CADM2: variants seen among roughly 807,000 people sequenced by gnomAD.
CADM2 encodes the protein immunoglobulin superfamily member 4D.
Under a neutral mutation model 49.8 loss-of-function variants are expected in CADM2, and 12 were observed. That is an observed-to-expected ratio of 0.24 (90% CI 0.15 to 0.39). CADM2 has a LOEUF of 0.39. Among genes scored for constraint, CADM2 ranks in the 10% least tolerant of loss-of-function variants. CADM2 has a pLI of 1.00. For missense variants in CADM2, 378 were observed against 492.3 expected (o/e 0.77, Z 2.20); for synonymous variants, 214 against 175.4 (o/e 1.22, Z -1.74).
intron 1 of CADM2, among the ~76,000 whole-genome samples, chr3:85,327,820 C>A (rs2107136202): frequency 6.6e-6 from 1 of 152,076 alleles, no homozygotes; most frequent in African/African-American, 2.4e-5. Flanking sequence ...AATTAAAATT[C>A]TATTCTGAAT....
chr3:86,046,115 TATTAA>T (rs1297457563), intron 8 of CADM2, among the ~76,000 whole-genome samples: 3 of 152,170 alleles, frequency 2.0e-5, no homozygotes, highest in Non-Finnish European at 2.9e-5. Context: ...ATTTAAGGAC[TATTAA>T]ATTAAAGTTA....
chr3:85,139,228 G>A (rs1407639709), intron 1 of CADM2, among the ~76,000 whole-genome samples: 3 of 151,968 alleles, frequency 2.0e-5, no homozygotes, highest in African/African-American at 4.8e-5. Context: ...GTGTATATGC[G>A]TTTCAATAAT....
chr3:85,602,663 AC>A (rs1372768590), intron 1 of CADM2, among the ~76,000 whole-genome samples: 1 of 151,780 alleles, frequency 6.6e-6, no homozygotes, highest in Non-Finnish European at 1.5e-5. Context: ...ATTCTTATAC[AC>A]CCACTTAATC....
intron 1 of CADM2, among the ~76,000 whole-genome samples, chr3:85,227,370 A>C (rs1025804536): frequency 6.7e-6 from 1 of 149,444 alleles, no homozygotes; most frequent in Non-Finnish European, 1.5e-5. Context: ...TTCCTTTACC[A>C]TTATGTAATG....
chr3:85,947,511 A>C (rs1364478914), intron 7 of CADM2, among the ~76,000 whole-genome samples: 1 of 151,610 alleles, frequency 6.6e-6, no homozygotes, highest in East Asian at 1.9e-4. Flanking sequence ...ATGTCTTCAA[A>C]GATATAATAT....
At chr3:85,156,928 A>G (rs977474532) in intron 1 of CADM2, among the ~76,000 whole-genome samples, 3 of 152,184 alleles carry the variant, frequency 2.0e-5, no homozygotes, top group African/African-American at 7.2e-5. Flanking sequence ...ATGATTGTAT[A>G]TCTAGAAAAC....
At chr3:85,508,503 A>G (rs1443920974) in intron 1 of CADM2, among the ~76,000 whole-genome samples, 1 of 152,180 alleles carries the variant, frequency 6.6e-6, no homozygotes, top group African/African-American at 2.4e-5. Context: ...TGGATGTTGG[A>G]CCTGAGAGGG....
chr3:85,520,395 A>G (rs190172916), intron 1 of CADM2, among the ~76,000 whole-genome samples: 214 of 152,104 alleles, frequency 1.4e-3, no homozygotes, highest in African/African-American at 4.7e-3. Context: ...TTCTGCATAT[A>G]TATCTAAATA....
intron 1 of CADM2, among the ~76,000 whole-genome samples, chr3:85,059,881 T>C (rs1038564860): frequency 2.0e-5 from 3 of 152,196 alleles, no homozygotes; most frequent in African/African-American, 7.2e-5. Flanking sequence ...CTAATACACA[T>C]GTATTTCAGC....
intron 1 of CADM2, among the ~76,000 whole-genome samples, chr3:85,087,989 T>G (rs2037448150): frequency 6.6e-6 from 1 of 152,188 alleles, no homozygotes; most frequent in African/African-American, 2.4e-5. Flanking sequence ...ACATCTTCTC[T>G]GCACACCATG....
intron 1 of CADM2, among the ~76,000 whole-genome samples, chr3:85,286,473 C>A (rs2043636049): frequency 6.6e-6 from 1 of 152,072 alleles, no homozygotes; most frequent in African/African-American, 2.4e-5. Flanking sequence ...TCAAATTTGG[C>A]AAGTGACATT....
chr3:86,022,562 C>T (rs1490185219), intron 8 of CADM2, among the ~76,000 whole-genome samples: 1 of 152,084 alleles, frequency 6.6e-6, no homozygotes, highest in African/African-American at 2.4e-5. Flanking sequence ...GTCTTTTTAT[C>T]ATTATAACCT....
intron 1 of CADM2, among the ~76,000 whole-genome samples, chr3:85,530,478 C>A (rs2106951282): frequency 6.6e-6 from 1 of 151,910 alleles, no homozygotes; most frequent in Non-Finnish European, 1.5e-5. Context: ...CTACAGGCGC[C>A]CGCCACCACA....
chr3:85,942,742 C>A (rs1009464151), intron 7 of CADM2, among the ~76,000 whole-genome samples: 3 of 151,818 alleles, frequency 2.0e-5, no homozygotes, highest in Admixed American at 2.0e-4. Flanking sequence ...CATTGTTGGA[C>A]ATTTGGGTTG....
At chr3:85,239,262 C>T (rs1050963409) in intron 1 of CADM2, among the ~76,000 whole-genome samples, 9 of 151,682 alleles carry the variant, frequency 5.9e-5, no homozygotes, top group African/African-American at 2.2e-4. Flanking sequence ...ACTTATATGC[C>T]GATGTCTTTT....
intron 3 of CADM2, among the ~76,000 whole-genome samples, chr3:85,815,042 C>A (rs555266456): frequency 3.3e-5 from 5 of 151,986 alleles, no homozygotes; most frequent in Non-Finnish European, 7.4e-5. Context: ...CAAGTCTAAA[C>A]CAGGAAGAAG....
chr3:85,849,818 G>A (rs1447595066), intron 3 of CADM2, among the ~76,000 whole-genome samples: 2 of 152,066 alleles, frequency 1.3e-5, no homozygotes, highest in African/African-American at 2.4e-5. Flanking sequence ...AGATTTAAAA[G>A]TACAATGAAT....
chr3:85,177,988 A>G (rs535912630), intron 1 of CADM2, among the ~76,000 whole-genome samples: 10 of 152,092 alleles, frequency 6.6e-5, no homozygotes, highest in Non-Finnish European at 1.5e-4. Context: ...ATGCAATATG[A>G]TTCCTAGTAT....
intron 1 of CADM2, among the ~76,000 whole-genome samples, chr3:85,566,621 A>G (rs2062267516): frequency 6.6e-6 from 1 of 152,196 alleles, no homozygotes; most frequent in Non-Finnish European, 1.5e-5. Flanking sequence ...GGGAGAATCT[A>G]GTATAAATGG....
Sources: gnomAD v4.1 joint callset for allele counts (sites outside exome capture counted in the v4.1 genomes callset) on GRCh38, gnomAD v4.1.1 for gene constraint, MANE v1.5 for transcripts, NCBI Gene and HGNC (gene_info 2026-07-23, HGNC 2026-07-21) for gene names.